The following IGSF9B variants were observed in gnomAD, a reference collection of about 807,000 sequenced individuals.
The protein encoded by IGSF9B is protein turtle homolog B.
Under a neutral mutation model 143.7 loss-of-function variants are expected in IGSF9B, and 48 were observed. That is an observed-to-expected ratio of 0.33 (90% confidence interval 0.26 to 0.42). The LOEUF (loss-of-function observed/expected upper bound fraction) is 0.42, where lower values mean the gene tolerates loss of function less well. IGSF9B is among the 20% of genes least tolerant of loss of function. The pLI is 1.00. For synonymous variants in IGSF9B, 903 were observed against 833.1 expected, an observed-to-expected ratio of 1.08 and a Z score of -1.44; for missense variants, 1,706 against 1,980.0, an observed-to-expected ratio of 0.86 and a Z score of 2.63.
chr11:133,927,635 G>C lies in IGSF9B; in HGVS notation c.1632-544C>G, dbSNP rs140051215. 5.4e-4 allele frequency among the ~76,000 whole-genome samples: 82 copies of C among 152,344 alleles called. No individual in the cohort carries two copies. In the East Asian group the frequency reaches 0.013, roughly 25 times the overall value. On this transcript the variant is annotated intron_variant, in intron 12 of 19. Transcript: ENST00000533871. ...TGACCAGGGGTTTCCCCACAGTGGG[G>C]CCAGGATCCCTAAGGCCGTAAGGGT... is the stretch of plus-strand genomic sequence containing the variant.
chr11:133,918,325 C>T (rs1311729915), intron 18 of IGSF9B, among the ~76,000 whole-genome samples: 2 of 151,754 alleles, frequency 1.3e-5, no homozygotes, highest in African/African-American at 2.4e-5. Context: ...AGAAACAAAG[C>T]AGTTACCAAC....
Position 133,935,645 on chromosome 11 carries a change from G to A in IGSF9B, c.939C>T (p.Pro313=), listed in dbSNP as rs1445264729. ...GCACGGTCAGGTACGCCGAGGCGGA[G>A]GGGGAGCGCCCCAGGCTGTTGCTGG... ...CVPSNSLGRS[P]SASAYLTVQY... The change falls in exon 7 of 20, where the codon CCC becomes CCT. Residue 313 remains proline (P), a synonymous_variant. Coordinates refer to ENST00000533871, the MANE Select transcript of IGSF9B (RefSeq NM_001277285.4). The A allele has an allele frequency of 6.2e-7, 1 of 1,610,518 alleles. No homozygotes were observed. Among genetic ancestry groups the A allele is most frequent in the South Asian group, 1.1e-5 (1 of 90,142 alleles).
intron 1 of IGSF9B, among the ~76,000 whole-genome samples, chr11:133,954,468 G>A (rs1449150182): frequency 2.0e-5 from 3 of 152,246 alleles, no homozygotes; most frequent in Admixed American, 6.5e-5. Context: ...CTAGTGCCCT[G>A]AATGGCCCAA....
At chr11:133,923,417 G>A (rs1939575955) in intron 15 of IGSF9B, among the ~76,000 whole-genome samples, 1 of 152,206 alleles carries the variant, frequency 6.6e-6, no homozygotes, top group Non-Finnish European at 1.5e-5. Context: ...GGACAGCAGA[G>A]ATGGAGCCAA....
intron 7 of IGSF9B, among the ~76,000 whole-genome samples, chr11:133,935,402 A>G (rs888294157): frequency 2.0e-5 from 3 of 152,230 alleles, no homozygotes; most frequent in African/African-American, 7.2e-5. Flanking sequence ...CTGGCTGAAC[A>G]GCGACGCCTG....
chr11:133,921,390 A>G lies in IGSF9B; in HGVS notation c.2335T>C (p.Ser779Pro). 1 of 1,516,176 alleles carries G rather than the reference A, an allele frequency of 6.6e-7. No individual in the cohort carries two copies. Among genetic ancestry groups the G allele is most frequent in the Non-Finnish European group, 8.8e-7 (1 of 1,133,428 alleles). 93.9% of individuals were successfully genotyped at this position (1,516,176 alleles called of 1,614,324 possible). Reference protein sequence around the residue: ...CRKSLESPLSSGKVSPESIRT... With the variant: ...CRKSLESPLSPGKVSPESIRT... ...ATGCTCTCGGGGCTCACCTTGCCAG[A>G]GGACAAGCTGCAAGGAGGAGCAAGA... Residue 779 changes from serine to proline, a missense_variant, in exon 18 of 20, where the codon TCT (serine) becomes CCT (proline). Coordinates refer to ENST00000533871, the MANE Select transcript of IGSF9B (RefSeq NM_001277285.4).
In IGSF9B at chr11:133,938,403, G is replaced by A. The variant is rs1187566301; in HGVS notation, c.410-442C>T. On this transcript the variant is annotated intron_variant, in intron 3 of 19. Coordinates refer to ENST00000533871, the MANE Select transcript of IGSF9B (RefSeq NM_001277285.4). ...AGCCCTACCAAGACTTAACACAGATGCAGGCCAAGGCTACGCGGAACCTCA... is the reference window on the plus strand; with the variant it reads ...AGCCCTACCAAGACTTAACACAGATACAGGCCAAGGCTACGCGGAACCTCA... Among the ~76,000 whole-genome samples, 4 of 152,142 alleles carry A rather than the reference G, an allele frequency of 2.6e-5. No individual in the cohort carries two copies. The East Asian group carries it at 5.8e-4, about 22-fold the overall frequency.
intron 13 of IGSF9B, 33 bp from the exon 14 acceptor site, chr11:133,925,998 A>T (rs374922431): frequency 2.4e-4 from 352 of 1,483,532 alleles, no homozygotes; most frequent in Non-Finnish European, 3.0e-4. Context: ...ACCACAGCGC[A>T]TCAGCGAGGC....
chr11:133,909,559 C>T lies in IGSF9B; in HGVS notation c.4106-282G>A, dbSNP rs1939268396. 6.6e-6 allele frequency among the ~76,000 whole-genome samples: 1 copy of T among 152,212 alleles called. No individual in the cohort carries two copies. Among genetic ancestry groups the T allele is most frequent in the Non-Finnish European group, 1.5e-5 (1 of 68,042 alleles). ...ATTCATTTCTTTCTCGATCAGTCTA[C>T]AAATATTTCTTTTAGTGCCTCTTGA... On this transcript the variant is annotated intron_variant, in intron 19 of 19. Coordinates refer to ENST00000533871, the MANE Select transcript of IGSF9B (RefSeq NM_001277285.4). The surrounding 1 kb of genome is among the most constrained non-coding windows in gnomAD (Gnocchi z 4.2).
At chr11:133,935,978 C>A (rs906645824) in intron 6 of IGSF9B, 75 bp downstream of exon 6, 29 of 1,549,632 alleles carry the variant, frequency 1.9e-5, no homozygotes, top group Middle Eastern at 1.7e-4. Flanking sequence ...CCTGCCCGTG[C>A]AATTTCTGCT....
intron 18 of IGSF9B, among the ~76,000 whole-genome samples, chr11:133,919,515 G>A (rs1026311260): frequency 6.6e-6 from 1 of 152,218 alleles, no homozygotes; most frequent in African/African-American, 2.4e-5. Context: ...TGCCGGAGAA[G>A]ACGCCTCATG....
rs574456569 is a variant in IGSF9B, at chr11:133,937,002, C to A, written c.679+374G>T. 1.8e-3 allele frequency among the ~76,000 whole-genome samples: 281 copies of A among 152,326 alleles called. 1 individual carries two copies. The highest frequency in any genetic ancestry group is 3.7e-3 in the Admixed American group (56 of 15,312). ...AATGTCTGGGGCTTGGATTGAGTTT[C>A]TATCTTTATTTATTGATGCCGTCAC... On this transcript the variant is annotated intron_variant, in intron 5 of 19. Transcript: ENST00000533871.
intron 13 of IGSF9B, 77 bp downstream of exon 13, chr11:133,926,839 A>ACTGCTATAGCTGC (rs1939634568): frequency 7.8e-7 from 1 of 1,276,974 alleles, no homozygotes; most frequent in Non-Finnish European, 1.1e-6. Flanking sequence ...CAGGAGGCCG[A>ACTGCTATAGCTGC]CTGCTATAGC....
At position 133,920,478 on chromosome 11, in the gene IGSF9B, T is replaced by C; in HGVS notation, c.3247A>G (p.Thr1083Ala). ...KAGLPRGLPP[T>A]SLQVPAAYPG... ...TAGGCCGCGGGCACCTGCAGGGAGG[T>C]GGGGGGCAGTCCTCGGGGGAGGCCG... The change falls in exon 18 of 20, where the codon ACC becomes GCC. Residue 1083 changes from threonine to alanine, a missense_variant. Around this residue, in one of 7 missense-constraint regions of IGSF9B, gnomAD observed 880 missense variants for 762.9 expected, o/e 1.15. Coordinates refer to ENST00000533871, the MANE Select transcript of IGSF9B (RefSeq NM_001277285.4). The C allele has an allele frequency of 6.4e-7, 1 of 1,569,320 alleles. No individual in the cohort carries two copies. The highest frequency in any genetic ancestry group is 8.6e-7 in the Non-Finnish European group (1 of 1,156,766).
intron 1 of IGSF9B, among the ~76,000 whole-genome samples, chr11:133,950,184 C>G (rs1940132080): frequency 1.3e-5 from 2 of 152,198 alleles, no homozygotes; most frequent in Non-Finnish European, 2.9e-5. Flanking sequence ...ATGTCTAGCA[C>G]TCACAACCCG....
rs543887754 is a variant in IGSF9B at position 133,907,868 on chromosome 11, G to A, written c.*1201C>T. On this transcript the variant is annotated 3_prime_UTR_variant, in exon 20 of 20. Transcript: ENST00000533871. ...CTGCAGCTCAGGTCCACCGGAGGACGAAGGCCCCGGGGCAGAGAAGAGTCG... is the reference window on the plus strand; with the variant it reads ...CTGCAGCTCAGGTCCACCGGAGGACAAAGGCCCCGGGGCAGAGAAGAGTCG... 2.6e-5 allele frequency among the ~76,000 whole-genome samples: 4 copies of A among 152,334 alleles called. No individual in the cohort carries two copies. The highest frequency in any genetic ancestry group is 7.2e-5 in the African/African-American group (3 of 41,594).
rs1939020295 is a variant in IGSF9B at position 133,896,511 on chromosome 11, T to A, written c.*12558A>T. 1 of 152,212 alleles carries A rather than the reference T, an allele frequency of 6.6e-6. No individual in the cohort carries two copies. Among genetic ancestry groups the A allele is most frequent in the Non-Finnish European group, 1.5e-5 (1 of 68,036 alleles). 9.4% of individuals were successfully genotyped at this position (152,212 alleles called of 1,614,324 possible). On this transcript the variant is annotated 3_prime_UTR_variant, in exon 20 of 20. Transcript: ENST00000533871. ...CAGAGTAATGTTACATGAGGAGCAA[T>A]TAAATACTAAACGTCTTTTCATCAG... is the stretch of plus-strand genomic sequence containing the variant.
At position 133,939,021 on chromosome 11, in the gene IGSF9B, G is replaced by A. The variant is rs112291573; in HGVS notation, c.410-1060C>T. Among the ~76,000 whole-genome samples the A allele has an allele frequency of 6.2e-3, 945 of 152,342 alleles. 13 individuals carry two copies. Among genetic ancestry groups the A allele is most frequent in the African/African-American group, 0.022 (924 of 41,576 alleles). On this transcript the variant is annotated intron_variant, in intron 3 of 19. Transcript: ENST00000533871. The stretch of plus-strand genomic sequence containing the variant: ...GGCATTCACGGGAAGCTTTGGGAGG[G>A]TCCCTCCTCCCCACACAGCCCTGCC...
chr11:133,910,558 G>T (rs982838932), intron 19 of IGSF9B, among the ~76,000 whole-genome samples: 2 of 152,210 alleles, frequency 1.3e-5, no homozygotes, highest in Non-Finnish European at 2.9e-5. Flanking sequence ...AACCGAGGAA[G>T]AGCTGAGGAG....
Sources: gnomAD v4.1 joint callset for allele counts (sites outside exome capture counted in the v4.1 genomes callset) on GRCh38, gnomAD v4.1.1 for gene constraint, gnomAD v4.1.1 regional missense constraint, Gnocchi (gnomAD v3.1) non-coding constraint, MANE v1.5 for transcripts, NCBI Gene and HGNC (gene_info 2026-07-23, HGNC 2026-07-21) for gene names.